The following HDAC4 variants were observed in gnomAD, a reference collection of about 807,000 sequenced individuals.
HDAC4 encodes the protein histone deacetylase 4.
HDAC4 carries 16 observed loss-of-function variants against 135.1 expected under a neutral mutation model. The observed-to-expected ratio is 0.12, with a 90% CI of 0.08 to 0.18. HDAC4 has a LOEUF of 0.18. HDAC4 is among the 10% of genes least tolerant of loss of function. The probability of loss-of-function intolerance (pLI) is 1.00; values close to 1 mark genes in which losing one functional copy is unlikely to be tolerated. For missense variants in HDAC4, 1,143 were observed against 1,511.8 expected, an observed-to-expected ratio of 0.76 and a Z score of 4.05; for synonymous variants, 685 against 653.4, an observed-to-expected ratio of 1.05 and a Z score of -0.74.
chr2:239,146,627 G>A lies in HDAC4; in HGVS notation c.734-1913C>T, dbSNP rs1432250831. ...GCGGCAGATCCTCCACAGCCCTGCC[G>A]GGCACTCCAGACTCTTTGTGCAAGA... On this transcript the variant is annotated intron_variant, in intron 7 of 26. Transcript: ENST00000543185. The surrounding 1 kb of genome is among the most constrained non-coding windows in gnomAD (Gnocchi z 4.5). Among the ~76,000 whole-genome samples the A allele has an allele frequency of 6.6e-6, 1 of 152,060 alleles. No individual in the cohort carries two copies. Among genetic ancestry groups the A allele is most frequent in the Non-Finnish European group, 1.5e-5 (1 of 67,994 alleles).
chr2:239,145,981 CCA>C (rs2041733876), intron 7 of HDAC4, among the ~76,000 whole-genome samples: 1 of 152,120 alleles, frequency 6.6e-6, no homozygotes, highest in African/African-American at 2.4e-5. Flanking sequence ...AACAGCCTTC[CCA>C]GAGAAACCAG....
At chr2:239,399,181 G>A (rs905825264) in intron 1 of HDAC4, among the ~76,000 whole-genome samples, 2 of 151,984 alleles carry the variant, frequency 1.3e-5, no homozygotes, top group African/African-American at 4.8e-5. Context: ...ATTCACAAGA[G>A]CTACCTGAAA....
Position 239,298,282 on chromosome 2 carries a change from C to A in HDAC4, c.22+54396G>T, listed in dbSNP as rs1048162362. ...CGACAGACTGGGCTGGTGCCCTGGA[C>A]AAGCGGTGGCTTCCAGAAGCTGGGG... is the stretch of plus-strand genomic sequence containing the variant. On this transcript the variant is annotated intron_variant, in intron 2 of 26. Coordinates refer to ENST00000543185, the MANE Select transcript of HDAC4 (RefSeq NM_001378414.1). 5 of 1,260,484 alleles carry A rather than the reference C, an allele frequency of 4.0e-6. No homozygotes were observed. In the African/African-American group the frequency reaches 6.2e-5, roughly 16 times the overall value. 78.1% of individuals were successfully genotyped at this position (1,260,484 alleles called of 1,614,324 possible).
rs530132675 is a variant in HDAC4 at position 239,295,079 on chromosome 2, G to A, written c.22+57599C>T. On this transcript the variant is annotated intron_variant, in intron 2 of 26. Transcript: ENST00000543185. The stretch of plus-strand genomic sequence containing the variant: ...TCCCAGCACTTTGGGAGGCCGAGGC[G>A]GGCGGATCACGAGGTCAGGAGATCG... 5.3e-5 allele frequency among the ~76,000 whole-genome samples: 8 copies of A among 151,996 alleles called. No individual in the cohort carries two copies. In the East Asian group the frequency reaches 9.7e-4, roughly 18 times the overall value.
chr2:239,080,800 T>C, intron 22 of HDAC4: 1 of 480,300 alleles, frequency 2.1e-6, no homozygotes, highest in East Asian at 3.4e-5. Flanking sequence ...AACATAACAC[T>C]CTGCACAAAA....
rs2052658866 is a variant in HDAC4 at position 239,307,465 on chromosome 2, C to T, written c.22+45213G>A. Among the ~76,000 whole-genome samples the T allele has an allele frequency of 1.3e-5, 2 of 152,084 alleles. No individual in the cohort carries two copies. The highest frequency in any genetic ancestry group is 1.3e-4 in the Admixed American group (2 of 15,280). On this transcript the variant is annotated intron_variant, in intron 2 of 26. Coordinates refer to ENST00000543185, the MANE Select transcript of HDAC4 (RefSeq NM_001378414.1). This position sits in a 1 kb window ranked among gnomAD's most constrained non-coding sequence, Gnocchi z 4.8. ...AGACCAAGTGGCTACAAAAGGGAACCCCCCTCCCACCACTAATCAGGGACC... is the reference window on the plus strand; with the variant it reads ...AGACCAAGTGGCTACAAAAGGGAACTCCCCTCCCACCACTAATCAGGGACC...
intron 2 of HDAC4, among the ~76,000 whole-genome samples, chr2:239,271,432 G>A (rs1322511773): frequency 6.6e-6 from 1 of 152,326 alleles, no homozygotes; most frequent in East Asian, 1.9e-4. Context: ...GGTCGGCTTA[G>A]TGTGTTTTTT....
chr2:239,161,978 C>T (rs1264956395), intron 6 of HDAC4: 1 of 396,066 alleles, frequency 2.5e-6, no homozygotes, highest in Non-Finnish European at 5.1e-6. Context: ...CAGGCCACTG[C>T]CCGGCTTCTA....
At chr2:239,391,268 C>T (rs1696187021) in intron 1 of HDAC4, among the ~76,000 whole-genome samples, 1 of 152,186 alleles carries the variant, frequency 6.6e-6, no homozygotes, top group Admixed American at 6.5e-5. Flanking sequence ...TTTCAAGAGT[C>T]TAATCTCTGT....
chr2:239,192,621 G>A (rs994748770), intron 3 of HDAC4, among the ~76,000 whole-genome samples: 15 of 152,286 alleles, frequency 9.8e-5, no homozygotes, highest in South Asian at 4.2e-4. Flanking sequence ...CAAGCACGGC[G>A]GTGCTAAATG....
At chr2:239,053,351 A>G in intron 26 of HDAC4, 109 bp downstream of exon 26, 1 of 1,454,068 alleles carries the variant, frequency 6.9e-7, no homozygotes, top group Non-Finnish European at 9.4e-7. Flanking sequence ...GCCTGTCTCT[A>G]GTCTGTTGGG....
At chr2:239,237,116 G>A (rs1313951484) in intron 2 of HDAC4, among the ~76,000 whole-genome samples, 1 of 152,172 alleles carries the variant, frequency 6.6e-6, no homozygotes, top group Non-Finnish European at 1.5e-5. Flanking sequence ...AGGGAAGGAG[G>A]CAAGCTGAGG....
intron 2 of HDAC4, among the ~76,000 whole-genome samples, chr2:239,271,562 C>T (rs1016264077): frequency 1.3e-5 from 2 of 152,220 alleles, no homozygotes; most frequent in Non-Finnish European, 2.9e-5. Context: ...CCGATTCTGC[C>T]GGCATCCTCC....
At chr2:239,366,916 C>T (rs1694259294) in intron 1 of HDAC4, among the ~76,000 whole-genome samples, 1 of 149,010 alleles carries the variant, frequency 6.7e-6, no homozygotes, top group South Asian at 2.1e-4. Flanking sequence ...ATCTCTTCCA[C>T]CATAACCACC....
intron 2 of HDAC4, among the ~76,000 whole-genome samples, chr2:239,293,508 C>G (rs372764695): frequency 6.6e-6 from 1 of 152,164 alleles, no homozygotes; most frequent in African/African-American, 2.4e-5. Flanking sequence ...AGCAAAGGAG[C>G]GTGGGAGAAA....
At chr2:239,371,881 G>C (rs1694647451) in intron 1 of HDAC4, among the ~76,000 whole-genome samples, 1 of 152,250 alleles carries the variant, frequency 6.6e-6, no homozygotes, top group African/African-American at 2.4e-5. Context: ...GCACAGGCAT[G>C]GACCCAAAAC....
rs753365169 is a variant in HDAC4, at chr2:239,139,680, T to C, written c.978+4A>G. On this transcript the variant is annotated splice_donor_region_variant and intron_variant, in intron 9 of 26. Transcript: ENST00000543185. This position sits in a 1 kb window ranked among gnomAD's most constrained non-coding sequence, Gnocchi z 5.3. ...AGGACACAGGACAAACGCTTCGCACTGACCTCCGCCGGGATGCTGGGGACG... is the reference window on the plus strand; with the variant it reads ...AGGACACAGGACAAACGCTTCGCACCGACCTCCGCCGGGATGCTGGGGACG... The C allele has an allele frequency of 6.2e-7, 1 of 1,613,104 alleles. No homozygotes were observed. Among genetic ancestry groups the C allele is most frequent in the Admixed American group, 1.7e-5 (1 of 60,034 alleles).
intron 4 of HDAC4, among the ~76,000 whole-genome samples, chr2:239,182,348 C>T (rs571294354): frequency 2.6e-5 from 4 of 152,342 alleles, no homozygotes; most frequent in African/African-American, 7.2e-5. Context: ...AGGGCGGAAA[C>T]GCAGAGCGGA....
intron 7 of HDAC4, among the ~76,000 whole-genome samples, chr2:239,145,466 C>T (rs1252507481): frequency 2.0e-5 from 3 of 152,272 alleles, no homozygotes; most frequent in Non-Finnish European, 4.4e-5. Flanking sequence ...CCCAACTCAT[C>T]TGCATCTGGA....
Sources: gnomAD v4.1 joint callset for allele counts (sites outside exome capture counted in the v4.1 genomes callset) on GRCh38, gnomAD v4.1.1 for gene constraint, Gnocchi (gnomAD v3.1) non-coding constraint, MANE v1.5 for transcripts, NCBI Gene and HGNC (gene_info 2026-07-23, HGNC 2026-07-21) for gene names.